Variants in HERC3 observed in about 807,000 individuals in gnomAD.
HERC3 encodes the protein probable E3 ubiquitin-protein ligase HERC3.
A neutral mutation model predicts 129.9 loss-of-function variants in HERC3; 58 were observed. That is an observed-to-expected ratio of 0.45 (90% confidence interval 0.36 to 0.56). The LOEUF (loss-of-function observed/expected upper bound fraction) is 0.56. Ranked by LOEUF, HERC3 falls within the 20% of genes least tolerant of loss-of-function variation. The pLI, the probability that HERC3 is intolerant of heterozygous loss-of-function variation, is 0.00. For missense variants in HERC3, 835 were observed against 1,244.2 expected (o/e 0.67, Z 4.95); for synonymous variants, 430 against 451.0 (o/e 0.95, Z 0.59).
chr4:88,539,223 T>C, the HERC3 span, among the ~76,000 whole-genome samples: 2 of 152,190 alleles, frequency 1.3e-5, no homozygotes, highest in Non-Finnish European at 2.9e-5. Context: ...GCCCAAATAC[T>C]GTGCTTTTCC....
chr4:88,642,130 CAA>C (rs200464130), intron 3 of HERC3, among the ~76,000 whole-genome samples: 1 of 77,066 alleles, frequency 1.3e-5, no homozygotes. Context: ...GACTCTGTCT[CAA>C]AAAAAAAAAA....
chr4:88,617,564 G>C (rs1725046876), intron 3 of HERC3, among the ~76,000 whole-genome samples: 1 of 152,182 alleles, frequency 6.6e-6, no homozygotes, highest in African/African-American at 2.4e-5. Context: ...CACAGAGGCT[G>C]TTTGGGCACA....
the HERC3 span, among the ~76,000 whole-genome samples, chr4:88,562,628 G>C: frequency 6.6e-6 from 1 of 152,126 alleles, no homozygotes; most frequent in Non-Finnish European, 1.5e-5. Context: ...TATTTTTATA[G>C]TTTGAGGTAT....
intron 10 of HERC3, among the ~76,000 whole-genome samples, chr4:88,662,047 A>G (rs1274946906): frequency 6.6e-6 from 1 of 152,188 alleles, no homozygotes; most frequent in Non-Finnish European, 1.5e-5. Context: ...CTGAGGGATG[A>G]AGGAGGCAGG....
the HERC3 span, among the ~76,000 whole-genome samples, chr4:88,546,904 T>G: frequency 6.6e-6 from 1 of 152,202 alleles, no homozygotes; most frequent in African/African-American, 2.4e-5. Context: ...TTACTATTCT[T>G]CAATAATGTG....
At position 88,652,967 on chromosome 4, in the gene HERC3, G is replaced by A; in HGVS notation, c.562G>A (p.Glu188Lys). The change falls in exon 6 of 26, where the codon GAG becomes AAG. Residue 188 changes from glutamate to lysine, a missense_variant. Physicochemically the swap from Glu to Lys is moderately conservative, Grantham distance 56. Coordinates refer to ENST00000402738, the MANE Select transcript of HERC3 (RefSeq NM_014606.3). ...CAGCCCACAGAGGGTGAGGTCCCTG[G>A]AGGGGATCCCACTGGCTCAGGTGGC... ...QASPQRVRSL[E>K]GIPLAQVAAG... 1 of 1,614,188 alleles carries A rather than the reference G, an allele frequency of 6.2e-7. No individual in the cohort carries two copies. The highest frequency in any genetic ancestry group is 8.5e-7 in the Non-Finnish European group (1 of 1,180,036).
the HERC3 span, among the ~76,000 whole-genome samples, chr4:88,577,238 A>G: frequency 6.6e-6 from 1 of 152,196 alleles, no homozygotes; most frequent in Non-Finnish European, 1.5e-5. Flanking sequence ...GTTTAGGCAA[A>G]GGTACTTCTT....
At chr4:88,630,423 G>A (rs1726612291) in intron 3 of HERC3, among the ~76,000 whole-genome samples, 1 of 152,154 alleles carries the variant, frequency 6.6e-6, no homozygotes, top group Non-Finnish European at 1.5e-5. Flanking sequence ...ACATTTTATA[G>A]TCAACAAGTG....
rs764289695 is a variant in HERC3, at chr4:88,658,455, A to G, written c.1110A>G (p.Gly370=). Residue 370 remains glycine, a synonymous_variant, in exon 10 of 26, where the codon GGA becomes GGG. Coordinates refer to ENST00000402738, the MANE Select transcript of HERC3 (RefSeq NM_014606.3). The part of the protein sequence containing the change: ...KYHIVKQIFS[G]GDQTFVLCSK... ...ATATCGTTAAGCAGATCTTCTCTGG[A>G]GGAGACCAGACTTTTGTACTTTGCT... 14 of 1,606,464 alleles carry G rather than the reference A, an allele frequency of 8.7e-6. No individual in the cohort carries two copies. The South Asian group carries it at 1.6e-4, about 18-fold the overall frequency.
At chr4:88,591,964 C>G (rs1721736451), upstream of HERC3, among the ~76,000 whole-genome samples, 1 of 152,088 alleles carries the variant, frequency 6.6e-6, no homozygotes, top group Non-Finnish European at 1.5e-5. Context: ...CCTTCCCCGC[C>G]TCTCCCACCG....
chr4:88,657,889 C>G (rs1730083091), intron 9 of HERC3, among the ~76,000 whole-genome samples: 1 of 151,038 alleles, frequency 6.6e-6, no homozygotes, highest in Non-Finnish European at 1.5e-5. Flanking sequence ...ATCCCATGTG[C>G]CAGGGGCAGC....
chr4:88,634,999 G>T (rs910613708), intron 3 of HERC3, among the ~76,000 whole-genome samples: 1 of 152,018 alleles, frequency 6.6e-6, no homozygotes, highest in Non-Finnish European at 1.5e-5. Context: ...CTTATCCAAG[G>T]GTTAGCAGGC....
At chr4:88,645,545 A>AC (rs1262951434) in intron 3 of HERC3, among the ~76,000 whole-genome samples, 3 of 151,888 alleles carry the variant, frequency 2.0e-5, no homozygotes, top group Admixed American at 2.0e-4. Flanking sequence ...GTGTTCCAAG[A>AC]CCCCCACTAG....
chr4:88,613,759 C>T (rs1008818380), intron 3 of HERC3, among the ~76,000 whole-genome samples: 1 of 152,148 alleles, frequency 6.6e-6, no homozygotes, highest in African/African-American at 2.4e-5. Context: ...TTGTTAGGGC[C>T]CCATCTGTTC....
the HERC3 span, among the ~76,000 whole-genome samples, chr4:88,579,225 A>AT: frequency 1.1e-4 from 10 of 94,454 alleles, no homozygotes; most frequent in African/African-American, 9.5e-4. Flanking sequence ...CTACTAAAAA[A>AT]AAAAAAAATA....
chr4:88,674,963 C>T (rs1461794141), intron 16 of HERC3, among the ~76,000 whole-genome samples: 1 of 152,176 alleles, frequency 6.6e-6, no homozygotes, highest in Non-Finnish European at 1.5e-5. Context: ...GAGGCACATG[C>T]TGCTTATTCG....
chr4:88,607,342 G>A (rs911961574), intron 3 of HERC3, among the ~76,000 whole-genome samples: 1 of 152,132 alleles, frequency 6.6e-6, no homozygotes, highest in Non-Finnish European at 1.5e-5. Context: ...AGAGGGTGAT[G>A]GAAGAGGATA....
chr4:88,633,177 G>A (rs1726964278), intron 3 of HERC3, among the ~76,000 whole-genome samples: 1 of 152,206 alleles, frequency 6.6e-6, no homozygotes, highest in Non-Finnish European at 1.5e-5. Flanking sequence ...AGTTTTAGGT[G>A]AAGGAAAAGT....
At chr4:88,689,965 C>A in intron 23 of HERC3, 1 of 983,000 alleles carries the variant, frequency 1.0e-6, no homozygotes, top group Non-Finnish European at 1.2e-6. Context: ...TGTTAACCTT[C>A]CAGACTATCC....
Sources: gnomAD v4.1 joint callset for allele counts (sites outside exome capture counted in the v4.1 genomes callset) on GRCh38, gnomAD v4.1.1 for gene constraint, MANE v1.5 for transcripts, NCBI Gene and HGNC (gene_info 2026-07-23, HGNC 2026-07-21) for gene names.